The following ROBO1 variants were observed in gnomAD, a reference collection of about 807,000 sequenced individuals.
The protein encoded by ROBO1 is roundabout homolog 1.
A neutral mutation model predicts 195.9 loss-of-function variants in ROBO1; 149 were observed. The observed-to-expected ratio is 0.76, with a 90% CI of 0.67 to 0.87. The LOEUF (loss-of-function observed/expected upper bound fraction) is 0.87, where lower values mean the gene tolerates loss of function less well. Among genes scored for constraint, ROBO1 ranks in the 40% least tolerant of loss-of-function variants. ROBO1 has a pLI of 0.00. For missense variants in ROBO1, 1,933 were observed against 2,068.3 expected, an observed-to-expected ratio of 0.93 and a Z score of 1.27; for synonymous variants, 816 against 733.2, an observed-to-expected ratio of 1.11 and a Z score of -1.82.
intron 1 of ROBO1, among the ~76,000 whole-genome samples, chr3:79,632,328 G>C (rs1945369700): frequency 6.6e-6 from 1 of 152,116 alleles, no homozygotes; most frequent in Non-Finnish European, 1.5e-5. Flanking sequence ...GGCTTTTGCA[G>C]CAATAAGGAT....
intron 5 of ROBO1, among the ~76,000 whole-genome samples, chr3:78,740,454 CTT>C (rs2082500787): frequency 1.2e-5 from 1 of 82,796 alleles, no homozygotes; most frequent in Non-Finnish European, 2.6e-5. Context: ...TTCTTTTTTT[CTT>C]TCTTTCTTTC....
chr3:79,558,729 C>T (rs999608329), intron 2 of ROBO1, among the ~76,000 whole-genome samples: 1 of 152,198 alleles, frequency 6.6e-6, no homozygotes, highest in Non-Finnish European at 1.5e-5. Context: ...ATTAAAACTG[C>T]ATGATAGAGT....
At chr3:78,739,936 T>C (rs950593114) in intron 5 of ROBO1, among the ~76,000 whole-genome samples, 1 of 152,178 alleles carries the variant, frequency 6.6e-6, no homozygotes, top group African/African-American at 2.4e-5. Context: ...GCAGAATCTA[T>C]AGGACCCTAT....
At chr3:79,160,876 T>C (rs2108663136) in intron 2 of ROBO1, among the ~76,000 whole-genome samples, 1 of 152,096 alleles carries the variant, frequency 6.6e-6, no homozygotes, top group South Asian at 2.1e-4. Context: ...CAACCTCAAG[T>C]AGGTAATATT....
chr3:79,553,524 A>G (rs1183821367), intron 2 of ROBO1, among the ~76,000 whole-genome samples: 1 of 152,102 alleles, frequency 6.6e-6, no homozygotes, highest in Non-Finnish European at 1.5e-5. Flanking sequence ...TATGGAACAC[A>G]ATATGAGAAA....
intron 2 of ROBO1, among the ~76,000 whole-genome samples, chr3:79,412,464 T>G (rs2037809677): frequency 6.6e-6 from 1 of 152,164 alleles, no homozygotes; most frequent in South Asian, 2.1e-4. Context: ...CAAAATTGAA[T>G]ATTTAATTTT....
intron 3 of ROBO1, among the ~76,000 whole-genome samples, chr3:78,964,611 G>C (rs918464572): frequency 6.6e-6 from 1 of 152,116 alleles, no homozygotes; most frequent in South Asian, 2.1e-4. Flanking sequence ...TCAATTCACA[G>C]GGCTAGGGAG....
intron 2 of ROBO1, among the ~76,000 whole-genome samples, chr3:79,412,797 A>G (rs1269057439): frequency 7.1e-6 from 1 of 141,486 alleles, no homozygotes; most frequent in Non-Finnish European, 1.5e-5. Context: ...ATAAACACTG[A>G]TTTGCCTTGT....
At chr3:78,614,621 C>T (rs370774452) in intron 28 of ROBO1, 27 bp downstream of exon 28, 31 of 1,610,078 alleles carry the variant, frequency 1.9e-5, no homozygotes, top group Admixed American at 3.3e-5. Context: ...GATTCATAGA[C>T]GTTTTCATCC....
Position 79,625,423 on chromosome 3 carries a change from GAAAAAAA to G in ROBO1, c.-50-35469_-50-35463del. 6.5e-4 allele frequency among the ~76,000 whole-genome samples: 9 copies of G among 13,882 alleles called. No homozygotes were observed. In the East Asian group the frequency reaches 0.019, roughly 29 times the overall value. 9.1% of individuals were successfully genotyped at this position (13,882 alleles called of 152,430 possible). Reference sequence around the variant, plus strand: ...AAGTAATCCAGTAGCTGTTTTTTTTGAAAAAAAAAAAAAAAAAAAAAGCAAAATAGAC... The same window carrying G: ...AAGTAATCCAGTAGCTGTTTTTTTTGAAAAAAAAAAAAAAGCAAAATAGAC... On this transcript the variant is annotated intron_variant, in intron 1 of 30. Coordinates refer to ENST00000464233, the MANE Select transcript of ROBO1 (RefSeq NM_002941.4).
chr3:79,761,368 G>C (rs181016647), intron 1 of ROBO1, among the ~76,000 whole-genome samples: 2 of 151,920 alleles, frequency 1.3e-5, no homozygotes, highest in African/African-American at 4.8e-5. Flanking sequence ...AAACTCAAGA[G>C]AAAATGCATA....
At chr3:79,603,421 C>A (rs967318153) in intron 1 of ROBO1, among the ~76,000 whole-genome samples, 2 of 151,912 alleles carry the variant, frequency 1.3e-5, no homozygotes, top group African/African-American at 2.4e-5. Context: ...TGGCTGTTGA[C>A]TCTATTCTGG....
intron 1 of ROBO1, among the ~76,000 whole-genome samples, chr3:79,756,550 C>CAAAA (rs147939503): frequency 3.8e-5 from 4 of 106,390 alleles, no homozygotes; most frequent in African/African-American, 1.1e-4. Context: ...AGCACCATCT[C>CAAAA]AAAAAAAAAA....
chr3:79,133,909 A>ATTTT (rs2080343962), intron 2 of ROBO1, among the ~76,000 whole-genome samples: 1 of 151,528 alleles, frequency 6.6e-6, no homozygotes, highest in Admixed American at 6.6e-5. Context: ...AACAGACAGG[A>ATTTT]CCCTCAGCTG....
At chr3:79,182,712 A>G (rs1035886270) in intron 2 of ROBO1, among the ~76,000 whole-genome samples, 1 of 152,218 alleles carries the variant, frequency 6.6e-6, no homozygotes, top group African/African-American at 2.4e-5. Context: ...TGAGAAATGT[A>G]GGTCCTAAAA....
At chr3:79,207,604 A>G (rs2108793890) in intron 2 of ROBO1, among the ~76,000 whole-genome samples, 1 of 152,236 alleles carries the variant, frequency 6.6e-6, no homozygotes, top group East Asian at 1.9e-4. Context: ...GTCTGGTGTT[A>G]GGTGGATGAA....
In ROBO1 at chr3:78,617,723, G is replaced by A; in HGVS notation, c.4194C>T (p.Phe1398=). 1 of 1,613,928 alleles carries A rather than the reference G, an allele frequency of 6.2e-7. No individual in the cohort carries two copies. Among genetic ancestry groups the A allele is most frequent in the Non-Finnish European group, 8.5e-7 (1 of 1,179,866 alleles). Residue 1398 remains phenylalanine, a synonymous_variant, in exon 27 of 31, where the codon TTC becomes TTT. Transcript: ENST00000464233. ...SSVSSSDGSF[F]TDADFAQAVA... ...CTGCCTGGGCAAAGTCAGCATCAGTGAAAAAGGAGCCGTCCGAAGAACTAA... is the reference window on the plus strand; with the variant it reads ...CTGCCTGGGCAAAGTCAGCATCAGTAAAAAAGGAGCCGTCCGAAGAACTAA...
intron 4 of ROBO1, among the ~76,000 whole-genome samples, chr3:78,891,805 C>T (rs1039264471): frequency 2.0e-5 from 3 of 152,136 alleles, no homozygotes; most frequent in African/African-American, 7.2e-5. Flanking sequence ...AGATGAATTT[C>T]AAAACGTGTT....
At chr3:78,719,078 A>T (rs994710691) in intron 5 of ROBO1, among the ~76,000 whole-genome samples, 15 of 152,208 alleles carry the variant, frequency 9.9e-5, no homozygotes, top group African/African-American at 3.6e-4. Flanking sequence ...GAAACAAAAC[A>T]TTAACAAAGT....
Sources: gnomAD v4.1 joint callset for allele counts (sites outside exome capture counted in the v4.1 genomes callset) on GRCh38, gnomAD v4.1.1 for gene constraint, MANE v1.5 for transcripts, NCBI Gene and HGNC (gene_info 2026-07-23, HGNC 2026-07-21) for gene names.